GSK3B: variants seen among roughly 807,000 people sequenced by gnomAD.
The protein encoded by GSK3B is glycogen synthase kinase 3 beta, also known as glycogen synthase kinase-3 beta.
In GSK3B, 15 loss-of-function variants were observed where a neutral mutation model predicts 56.4. The ratio of observed to expected loss-of-function variants is 0.27; its 90% CI spans 0.18 to 0.41. GSK3B has a LOEUF of 0.41. Ranked by LOEUF, GSK3B falls within the 10% of genes least tolerant of loss-of-function variation. The pLI is 1.00. For synonymous variants in GSK3B, 181 were observed against 188.9 expected, an observed-to-expected ratio of 0.96 and a Z score of 0.34; for missense variants, 300 against 513.4, an observed-to-expected ratio of 0.58 and a Z score of 4.02.
intron 2 of GSK3B, among the ~76,000 whole-genome samples, chr3:119,980,051 T>C (rs1162604951): frequency 1.3e-5 from 2 of 151,858 alleles, no homozygotes; most frequent in African/African-American, 2.4e-5. Flanking sequence ...TATATATGTG[T>C]TGTCTGTGCA....
chr3:119,988,509 T>C (rs1319884271), intron 2 of GSK3B, among the ~76,000 whole-genome samples: 2 of 152,242 alleles, frequency 1.3e-5, no homozygotes, highest in Non-Finnish European at 2.9e-5. Context: ...AGGCTTTAAC[T>C]GGAATAATAT....
intron 7 of GSK3B, among the ~76,000 whole-genome samples, chr3:119,903,025 G>A (rs376755961): frequency 2.6e-5 from 4 of 152,252 alleles, no homozygotes; most frequent in South Asian, 4.1e-4. Context: ...GGACCAGTAA[G>A]ATTTGGGGCT....
chr3:119,896,127 CAAA>C (rs1161729921), intron 7 of GSK3B, among the ~76,000 whole-genome samples: 896 of 59,016 alleles, frequency 0.015, 6 homozygotes, highest in Non-Finnish European at 0.024. Flanking sequence ...GACTCTGTCT[CAAA>C]AAAAAAAAAA....
intron 7 of GSK3B, among the ~76,000 whole-genome samples, chr3:119,897,891 C>A (rs13319151): frequency 1.3e-5 from 2 of 150,822 alleles, no homozygotes; most frequent in Non-Finnish European, 3.0e-5. Context: ...GGGCACTGAA[C>A]AAACTATAGG....
intron 2 of GSK3B, among the ~76,000 whole-genome samples, chr3:119,962,724 C>T (rs2057283737): frequency 6.6e-6 from 1 of 152,184 alleles, no homozygotes; most frequent in Admixed American, 6.5e-5. Context: ...ATTCTATATA[C>T]CAGCAGTCCT....
In GSK3B at chr3:119,958,240, C is replaced by G. The variant is rs1308888699; in HGVS notation, c.283-10889G>C. Among the ~76,000 whole-genome samples, 3 of 152,158 alleles carry G rather than the reference C, an allele frequency of 2.0e-5. No homozygotes were observed. In the East Asian group the frequency reaches 5.8e-4, roughly 29 times the overall value. On this transcript the variant is annotated intron_variant, in intron 2 of 10. Transcript: ENST00000264235. ...GTAAATTTCCTAAGGCCTCCCCAGC[C>G]ATGTGGAACTGTGAACCAATTAAAC...
intron 1 of GSK3B, among the ~76,000 whole-genome samples, chr3:120,043,818 A>T (rs2058081928): frequency 1.3e-5 from 2 of 152,132 alleles, no homozygotes; most frequent in Admixed American, 1.3e-4. Flanking sequence ...ATACAACCCT[A>T]TATGCTTCTT....
chr3:119,902,404 T>C (rs1256251658), intron 7 of GSK3B, among the ~76,000 whole-genome samples: 1 of 151,900 alleles, frequency 6.6e-6, no homozygotes, highest in Admixed American at 6.6e-5. Flanking sequence ...ATATTTATTA[T>C]TTATTTATTT....
intron 2 of GSK3B, among the ~76,000 whole-genome samples, chr3:119,983,358 T>C (rs1032023972): frequency 6.6e-6 from 1 of 152,082 alleles, no homozygotes; most frequent in South Asian, 2.1e-4. Flanking sequence ...TATAGCAATA[T>C]TAACCTTAAA....
intron 1 of GSK3B, among the ~76,000 whole-genome samples, chr3:120,082,971 CTTAATA>C (rs1258049151): frequency 4.6e-5 from 7 of 151,640 alleles, no homozygotes; most frequent in Admixed American, 1.3e-4. Flanking sequence ...TAAACAATTA[CTTAATA>C]TTAATATTTT....
intron 9 of GSK3B, among the ~76,000 whole-genome samples, chr3:119,859,765 C>T (rs968096233): frequency 6.6e-6 from 1 of 152,076 alleles, no homozygotes; most frequent in Admixed American, 6.6e-5. Flanking sequence ...TACTCTTACC[C>T]CCCGCCCCAA....
rs1349074851 is a variant in GSK3B at position 119,916,085 on chromosome 3, C to T, written c.567G>A (p.Leu189=). The T allele has an allele frequency of 6.2e-7, 1 of 1,613,118 alleles. No homozygotes were observed. Among genetic ancestry groups the T allele is most frequent in the African/African-American group, 1.3e-5 (1 of 74,884 alleles). Residue 189 remains leucine, a synonymous_variant, in exon 5 of 11, where the codon TTG becomes TTA. Transcript: ENST00000264235. ...HRDIKPQNLL[L]DPDTAVLKLC... Reference sequence around the variant, plus strand: ...GTTTTAATACAGCAGTATCAGGATCCAACAAGAGGTTCTGCGGTTTAATAT... The same window carrying T: ...GTTTTAATACAGCAGTATCAGGATCTAACAAGAGGTTCTGCGGTTTAATAT...
intron 1 of GSK3B, among the ~76,000 whole-genome samples, chr3:120,040,773 C>T (rs917495081): frequency 7.9e-5 from 12 of 151,868 alleles, no homozygotes; most frequent in Non-Finnish European, 1.8e-4. Flanking sequence ...TAAAGACCAT[C>T]ACATGGGATC....
intron 9 of GSK3B, among the ~76,000 whole-genome samples, chr3:119,849,619 T>C (rs9843873): frequency 0.018 from 2,779 of 152,246 alleles, 93 homozygotes; most frequent in African/African-American, 0.064. Context: ...TGAATGCCAG[T>C]TGAAGGCCAC....
intron 2 of GSK3B, among the ~76,000 whole-genome samples, chr3:119,995,501 T>C (rs1373014788): frequency 6.6e-6 from 1 of 152,040 alleles, no homozygotes; most frequent in Non-Finnish European, 1.5e-5. Context: ...AGTCTCACTC[T>C]GTCACCAGGC....
intron 1 of GSK3B, among the ~76,000 whole-genome samples, chr3:120,028,492 C>T (rs1466691144): frequency 2.0e-5 from 3 of 152,222 alleles, no homozygotes; most frequent in East Asian, 1.9e-4. Flanking sequence ...TCCTTGTTTA[C>T]GTAAGTCTCC....
intron 10 of GSK3B, among the ~76,000 whole-genome samples, chr3:119,840,811 T>C (rs151065670): frequency 6.6e-6 from 1 of 152,232 alleles, no homozygotes; most frequent in Non-Finnish European, 1.5e-5. Flanking sequence ...TTTGTTAGAA[T>C]GATGATGTTA....
At position 119,887,820 on chromosome 3, in the gene GSK3B, A is replaced by T. The variant is rs150289629; in HGVS notation, c.814-11312T>A. On this transcript the variant is annotated intron_variant, in intron 7 of 10. Coordinates refer to ENST00000264235, the MANE Select transcript of GSK3B (RefSeq NM_001146156.2). ...ATAAAAACTCATAATCAACTGATAA[A>T]AGCCACTCACAAAGTGAAAATCTTC... 1.3e-3 allele frequency among the ~76,000 whole-genome samples: 201 copies of T among 152,262 alleles called. 1 individual carries two copies. Among genetic ancestry groups the T allele is most frequent in the African/African-American group, 4.5e-3 (188 of 41,578 alleles).
chr3:120,074,134 C>T (rs886884742), intron 1 of GSK3B, among the ~76,000 whole-genome samples: 1 of 151,778 alleles, frequency 6.6e-6, no homozygotes, highest in Non-Finnish European at 1.5e-5. Flanking sequence ...GTGAAACACT[C>T]TCTCTACAAA....
Sources: allele counts gnomAD v4.1 joint callset (sites outside exome capture counted in the v4.1 genomes callset), GRCh38; gene constraint gnomAD v4.1.1; transcripts MANE v1.5; gene names NCBI Gene and HGNC (gene_info 2026-07-23, HGNC 2026-07-21).